TENM2: variants seen among roughly 807,000 people sequenced by gnomAD.
TENM2 encodes teneurin-2.
In TENM2, 52 loss-of-function variants were observed where a neutral mutation model predicts 245.2. The observed-to-expected ratio is 0.21, with a 90% CI of 0.17 to 0.27. The LOEUF (loss-of-function observed/expected upper bound fraction) is 0.27, where lower values mean the gene tolerates loss of function less well. Among genes scored for constraint, TENM2 ranks in the 10% least tolerant of loss-of-function variants. The pLI is 1.00. For synonymous variants in TENM2, 1,363 were observed against 1,438.9 expected, an observed-to-expected ratio of 0.95 and a Z score of 1.19; for missense variants, 3,046 against 3,666.8, an observed-to-expected ratio of 0.83 and a Z score of 4.37.
chr5:167,875,623 G>A (rs1773354980), intron 2 of TENM2, among the ~76,000 whole-genome samples: 1 of 152,016 alleles, frequency 6.6e-6, no homozygotes, highest in Admixed American at 6.5e-5. Context: ...TGGATTATGT[G>A]GCAAGAATGG....
At chr5:167,984,179 T>C (rs1364257890) in intron 4 of TENM2, among the ~76,000 whole-genome samples, 1 of 152,196 alleles carries the variant, frequency 6.6e-6, no homozygotes, top group African/African-American at 2.4e-5. Flanking sequence ...AGTCTAGGAT[T>C]TGCAGACTTA....
At chr5:167,124,118 G>A in the TENM2 span, among the ~76,000 whole-genome samples, 14 of 152,292 alleles carry the variant, frequency 9.2e-5, no homozygotes, top group Middle Eastern at 3.4e-3. Context: ...TCCACTGTGT[G>A]ATCTTGGGGT....
At chr5:167,459,208 C>T (rs1448495174) in intron 2 of TENM2, among the ~76,000 whole-genome samples, 2 of 152,168 alleles carry the variant, frequency 1.3e-5, no homozygotes, top group Non-Finnish European at 2.9e-5. Context: ...ATGAATTTAA[C>T]TCTTCAGGTA....
intron 27 of TENM2, among the ~76,000 whole-genome samples, chr5:168,255,366 G>T (rs981691741): frequency 4.0e-5 from 6 of 151,084 alleles, no homozygotes; most frequent in Admixed American, 6.6e-5. Flanking sequence ...CAGTGGCACG[G>T]TCTTGGCTCA....
chr5:167,771,441 G>A (rs1582966482), intron 2 of TENM2, among the ~76,000 whole-genome samples: 1 of 152,154 alleles, frequency 6.6e-6, no homozygotes, highest in Non-Finnish European at 1.5e-5. Flanking sequence ...TAGAGAACAA[G>A]TCAAGTACCA....
chr5:168,172,733 T>G (rs1758959039), intron 13 of TENM2, among the ~76,000 whole-genome samples: 1 of 152,244 alleles, frequency 6.6e-6, no homozygotes, highest in African/African-American at 2.4e-5. Context: ...GGATTTGGAA[T>G]GCATTTTTGC....
At chr5:168,138,312 G>A (rs1454250503) in intron 12 of TENM2, among the ~76,000 whole-genome samples, 1 of 152,208 alleles carries the variant, frequency 6.6e-6, no homozygotes, top group African/African-American at 2.4e-5. Context: ...CTACTGTATT[G>A]AGGATTTCAC....
intron 2 of TENM2, chr5:167,755,178 T>G: frequency 1.3e-6 from 2 of 1,598,826 alleles, no homozygotes; most frequent in Admixed American, 3.3e-5. Flanking sequence ...GGGAAGGTTG[T>G]GATGGAGTCT....
At chr5:167,029,176 T>C in the TENM2 span, among the ~76,000 whole-genome samples, 3 of 152,206 alleles carry the variant, frequency 2.0e-5, no homozygotes, top group Non-Finnish European at 4.4e-5. Context: ...TTTGAAATCA[T>C]AGGATTCATT....
At chr5:168,138,654 A>G (rs951407221) in intron 12 of TENM2, among the ~76,000 whole-genome samples, 10 of 152,376 alleles carry the variant, frequency 6.6e-5, no homozygotes, top group African/African-American at 2.2e-4. Context: ...AGGAAGGGAC[A>G]TGGAAATGGC....
chr5:166,989,854 G>A, the TENM2 span, among the ~76,000 whole-genome samples: 2 of 149,190 alleles, frequency 1.3e-5, no homozygotes, highest in Non-Finnish European at 3.0e-5. Context: ...AGATGATAAC[G>A]GTATTAAGCC....
chr5:167,566,694 T>G (rs531199132), intron 2 of TENM2, among the ~76,000 whole-genome samples: 1 of 152,308 alleles, frequency 6.6e-6, no homozygotes, highest in Non-Finnish European at 1.5e-5. Flanking sequence ...GAAACATCAG[T>G]AACAAGAACC....
the TENM2 span, among the ~76,000 whole-genome samples, chr5:167,074,722 G>A: frequency 1.3e-5 from 2 of 152,188 alleles, no homozygotes; most frequent in African/African-American, 4.8e-5. Context: ...GGCTCCATAC[G>A]TTTTCATGGG....
At chr5:167,843,670 C>G (rs75850659) in intron 2 of TENM2, among the ~76,000 whole-genome samples, 1 of 152,132 alleles carries the variant, frequency 6.6e-6, no homozygotes, top group Non-Finnish European at 1.5e-5. Context: ...GGTTTGAAAA[C>G]AAAACCTGTG....
chr5:167,944,767 A>G (rs1417568238), intron 3 of TENM2, among the ~76,000 whole-genome samples: 1 of 152,208 alleles, frequency 6.6e-6, no homozygotes, highest in African/African-American at 2.4e-5. Flanking sequence ...TGATAGTTGC[A>G]TATCTTGGTG....
the TENM2 span, among the ~76,000 whole-genome samples, chr5:167,188,310 G>A: frequency 2.6e-4 from 40 of 152,266 alleles, no homozygotes; most frequent in Admixed American, 2.3e-3. Context: ...TCTTCAGCGC[G>A]GGCTGCTGCT....
intron 2 of TENM2, among the ~76,000 whole-genome samples, chr5:167,385,694 T>C (rs1162042749): frequency 6.6e-6 from 1 of 152,076 alleles, no homozygotes; most frequent in African/African-American, 2.4e-5. Context: ...AAGTCCATTG[T>C]GTCTTTCTTA....
At chr5:168,081,020 T>C (rs1791949049) in intron 7 of TENM2, among the ~76,000 whole-genome samples, 1 of 152,160 alleles carries the variant, frequency 6.6e-6, no homozygotes. Flanking sequence ...CGTCTAATGT[T>C]GACAGTGGGG....
intron 3 of TENM2, among the ~76,000 whole-genome samples, chr5:167,922,688 C>T (rs909828124): frequency 2.0e-5 from 3 of 152,222 alleles, no homozygotes; most frequent in African/African-American, 7.2e-5. Context: ...TCTCTTTCCA[C>T]TGCCCAGGAT....
Sources: allele counts gnomAD v4.1 joint callset (sites outside exome capture counted in the v4.1 genomes callset), GRCh38; gene constraint gnomAD v4.1.1; transcripts MANE v1.5; gene names NCBI Gene and HGNC (gene_info 2026-07-23, HGNC 2026-07-21).